PCNT: variants seen among roughly 807,000 people sequenced by gnomAD.
PCNT encodes the protein kendrin.
A neutral mutation model predicts 380.4 loss-of-function variants in PCNT; 319 were observed. That is an observed-to-expected ratio of 0.84 (90% CI 0.77 to 0.92). PCNT has a LOEUF of 0.92. Ranked by LOEUF, PCNT falls within the 40% of genes least tolerant of loss-of-function variation. The probability of loss-of-function intolerance (pLI) is 0.00; values close to 1 mark genes in which losing one functional copy is unlikely to be tolerated. For synonymous variants in PCNT, 1,845 were observed against 1,735.2 expected (o/e 1.06, Z -1.57); for missense variants, 4,400 against 4,255.3 (o/e 1.03, Z -0.95).
At chr21:46,354,196 G>A (rs2084386115) in intron 11 of PCNT, 128 bp downstream of exon 11, 3 of 836,606 alleles carry the variant, frequency 3.6e-6, no homozygotes, top group Non-Finnish European at 6.0e-6. Context: ...GCTGCTTGCG[G>A]ATGCTGCCCC....
chr21:46,330,085 G>A (rs1385203521), intron 2 of PCNT, among the ~76,000 whole-genome samples: 1 of 152,150 alleles, frequency 6.6e-6, no homozygotes, highest in East Asian at 1.9e-4. Flanking sequence ...GCAGTCATCA[G>A]GTATTAACCC....
rs1258309559 is a variant in PCNT, at chr21:46,425,181, G to C, written c.7180-650G>C. Among the ~76,000 whole-genome samples the C allele has an allele frequency of 6.6e-6, 1 of 152,208 alleles. No homozygotes were observed. On this transcript the variant is annotated intron_variant, in intron 32 of 46. Transcript: ENST00000359568. This position sits in a 1 kb window ranked among gnomAD's most constrained non-coding sequence, Gnocchi z 4.2. ...CACCAGCTTCTCCATAGGGCCGTCT[G>C]CTTACCCCTCAGCCTCTCTGGCGAG...
In PCNT at chr21:46,430,007, C is replaced by T. The variant is rs778162025; in HGVS notation, c.7691-3C>T. 1 of 1,613,484 alleles carries T rather than the reference C, an allele frequency of 6.2e-7. No homozygotes were observed. The highest frequency in any genetic ancestry group is 8.5e-7 in the Non-Finnish European group (1 of 1,179,414). ...CCTGTTACTGTTCTTTTGTCTTTCT[C>T]AGTTGAACTGCTGGCTTATAAAGTA... On this transcript the variant is annotated splice_polypyrimidine_tract_variant and splice_region_variant and intron_variant, in intron 35 of 46. Transcript: ENST00000359568.
At chr21:46,333,620 G>A (rs970407170) in intron 2 of PCNT, among the ~76,000 whole-genome samples, 1 of 151,644 alleles carries the variant, frequency 6.6e-6, no homozygotes, top group Non-Finnish European at 1.5e-5. Context: ...AAAATTACAG[G>A]CTGGGCACGG....
At chr21:46,413,201 CA>C (rs1444099641) in intron 29 of PCNT, among the ~76,000 whole-genome samples, 2 of 133,060 alleles carry the variant, frequency 1.5e-5, no homozygotes, top group South Asian at 4.9e-4. Context: ...GCACGAGGCC[CA>C]CCCGGGAGAG....
At chr21:46,356,009 C>T (rs1234606245) in intron 12 of PCNT, among the ~76,000 whole-genome samples, 1 of 152,228 alleles carries the variant, frequency 6.6e-6, no homozygotes, top group East Asian at 1.9e-4. Flanking sequence ...CCAGGTACCC[C>T]AGCTCGCCTA....
intron 16 of PCNT, 65 bp from the exon 17 acceptor site, chr21:46,385,767 C>A: frequency 1.3e-6 from 2 of 1,534,382 alleles, no homozygotes; most frequent in Non-Finnish European, 9.0e-7. Context: ...TGTTGAAAGT[C>A]CCTTACAGCC....
intron 38 of PCNT, 92 bp downstream of exon 38, chr21:46,432,307 C>T: frequency 7.9e-7 from 1 of 1,261,838 alleles, no homozygotes; most frequent in South Asian, 1.3e-5. Context: ...AGATTTATGT[C>T]TGGCCCTCTG....
chr21:46,351,378 T>TG (rs904566249), intron 8 of PCNT, 51 bp from the exon 9 acceptor site: 7 of 937,918 alleles, frequency 7.5e-6, no homozygotes, highest in Non-Finnish European at 1.1e-5. Context: ...ACTGCTGGGG[T>TG]GGGGGCCTTG....
chr21:46,428,062 C>G (rs2087584968), intron 34 of PCNT, among the ~76,000 whole-genome samples: 1 of 152,220 alleles, frequency 6.6e-6, no homozygotes, highest in African/African-American at 2.4e-5. Context: ...GAAACGTTCT[C>G]CATTCCAAGT....
At chr21:46,363,995 G>C (rs1024429825) in intron 14 of PCNT, 61 bp downstream of exon 14, 1 of 1,503,240 alleles carries the variant, frequency 6.7e-7, no homozygotes, top group Non-Finnish European at 9.1e-7. Flanking sequence ...GAGGGTAGAA[G>C]GTGGGCAGGC....
chr21:46,435,846 G>T, intron 38 of PCNT, 58 bp from the exon 39 acceptor site: 1 of 1,611,312 alleles, frequency 6.2e-7, no homozygotes, highest in Admixed American at 1.7e-5. Flanking sequence ...CCGGCCGGCA[G>T]TTTTGTTTTT....
rs369377623 is a variant in PCNT at position 46,431,673 on chromosome 21, C to G, written c.8209C>G (p.Arg2737Gly). 1.2e-6 allele frequency: 2 copies of G among 1,613,186 alleles called. No homozygotes were observed. The highest frequency in any genetic ancestry group is 8.5e-7 in the Non-Finnish European group (1 of 1,179,778). ...SRCEALLAQE[R>G]SQLSELQKDL... Reference sequence around the variant, plus strand: ...CTGCGAGGCCTTGCTGGCTCAGGAGCGGAGCCAGCTCTCTGAGCTCCAGAA... The same window carrying G: ...CTGCGAGGCCTTGCTGGCTCAGGAGGGGAGCCAGCTCTCTGAGCTCCAGAA... Residue 2737 changes from arginine (R) to glycine (G), a missense_variant, in exon 38 of 47, where the codon CGG (arginine) becomes GGG (glycine). By Grantham distance (125) the Arg-to-Gly change is moderately radical. Transcript: ENST00000359568.
chr21:46,411,849 T>C lies in PCNT; in HGVS notation c.5776T>C (p.Cys1926Arg), dbSNP rs1482321957. ...CGAGCTGCAGTGGCTCCGAGCGCAG[T>C]GTGCCCGCCTCAGCCGCCAGCTGCA... ...PPELQWLRAQ[C>R]ARLSRQLQVL... Residue 1926 changes from cysteine (C) to arginine (R), a missense_variant, in exon 28 of 47, where the codon TGT becomes CGT. Physicochemically the swap from Cys to Arg is radical, Grantham distance 180. Coordinates refer to ENST00000359568, the MANE Select transcript of PCNT (RefSeq NM_006031.6). 3.9e-6 allele frequency: 6 copies of C among 1,557,446 alleles called. No homozygotes were observed. The highest frequency in any genetic ancestry group is 5.2e-6 in the Non-Finnish European group (6 of 1,157,148).
At chr21:46,415,950 T>C in intron 29 of PCNT, 119 bp from the exon 30 acceptor site, 1 of 861,066 alleles carries the variant, frequency 1.2e-6, no homozygotes, top group Middle Eastern at 3.0e-4. Context: ...TGTGCAGGGC[T>C]CATTGTGGAA....
chr21:46,426,064 TCTTTC>T, intron 33 of PCNT, 93 bp downstream of exon 33: 1 of 1,084,452 alleles, frequency 9.2e-7, no homozygotes. Context: ...CACTAGGATT[TCTTTC>T]TTTTTTTTTT....
rs371058544 is a variant in PCNT, at chr21:46,438,281, G to T, written c.9217G>T (p.Val3073Leu). Residue 3073 changes from valine to leucine, a missense_variant, in exon 41 of 47, where the codon GTG becomes TTG. Transcript: ENST00000359568. ...TQEKLELSRA[V>L]SKLEKLLKHH... Reference sequence around the variant, plus strand: ...GGAGAAGCTGGAGCTGAGCAGAGCCGTGTCTAAGCTTGAGAAGTTGCTGAA... The same window carrying T: ...GGAGAAGCTGGAGCTGAGCAGAGCCTTGTCTAAGCTTGAGAAGTTGCTGAA... 1.9e-6 allele frequency: 3 copies of T among 1,614,190 alleles called. No homozygotes were observed. The highest frequency in any genetic ancestry group is 2.5e-6 in the Non-Finnish European group (3 of 1,180,002).
At chr21:46,403,324 TTG>T (rs1479690459) in intron 27 of PCNT, among the ~76,000 whole-genome samples, 7 of 109,728 alleles carry the variant, frequency 6.4e-5, no homozygotes, top group African/African-American at 1.1e-4. Flanking sequence ...CGTGGGAGAA[TTG>T]TGTGTGTGTG....
intron 9 of PCNT, 108 bp from the exon 10 acceptor site, chr21:46,352,996 C>T: frequency 1.2e-6 from 1 of 865,926 alleles, no homozygotes; most frequent in Non-Finnish European, 1.9e-6. Context: ...TGGGATGGGC[C>T]CTTTTCCGAG....
Sources: gnomAD v4.1 joint callset for allele counts (sites outside exome capture counted in the v4.1 genomes callset) on GRCh38, gnomAD v4.1.1 for gene constraint, Gnocchi (gnomAD v3.1) non-coding constraint, MANE v1.5 for transcripts, NCBI Gene and HGNC (gene_info 2026-07-23, HGNC 2026-07-21) for gene names.